The following IZUMO3 variants were observed in gnomAD, a reference collection of about 807,000 sequenced individuals.
IZUMO3 encodes the protein IZUMO family member 3.
In IZUMO3, 36 loss-of-function variants were observed where a neutral mutation model predicts 28.4. That is an observed-to-expected ratio of 1.27 (90% CI 0.97 to 1.67). The LOEUF (loss-of-function observed/expected upper bound fraction) is 1.67, where lower values mean the gene tolerates loss of function less well. Among genes scored for constraint, IZUMO3 ranks in the 40% most tolerant of loss-of-function variants. The pLI, the probability that IZUMO3 is intolerant of heterozygous loss-of-function variation, is 0.00. For missense variants in IZUMO3, 387 were observed against 278.5 expected (o/e 1.39, Z -2.77); for synonymous variants, 126 against 99.2 (o/e 1.27, Z -1.61).
At position 24,544,600 on chromosome 9, in the gene IZUMO3, G is replaced by T. The variant is rs1033902934; in HGVS notation, c.409+143C>A. 4.1e-6 allele frequency: 3 copies of T among 723,242 alleles called. No homozygotes were observed. The African/African-American group carries it at 5.4e-5, about 13-fold the overall frequency. The allele number at this position is 723,242 out of a possible 1,614,324, so 44.8% of individuals were successfully genotyped here. A position where few individuals can be genotyped will look rare whatever the true frequency, so the allele number is the denominator to read the frequency against. On this transcript the variant is annotated intron_variant, in intron 4 of 6. Transcript: ENST00000543880. ...TTCATGAGCTAGGTTTCGTTATCAGGTATTGTTGACGTTACCCCTTGTAAC... is the reference window on the plus strand; with the variant it reads ...TTCATGAGCTAGGTTTCGTTATCAGTTATTGTTGACGTTACCCCTTGTAAC...
Position 24,545,865 on chromosome 9 carries a change from A to T in IZUMO3, c.-216T>A. 6.6e-7 allele frequency: 1 copy of T among 1,519,548 alleles called. No homozygotes were observed. The highest frequency in any genetic ancestry group is 8.9e-7 in the Non-Finnish European group (1 of 1,128,300). 94.1% of individuals were successfully genotyped at this position (1,519,548 alleles called of 1,614,324 possible). A position where few individuals can be genotyped will look rare whatever the true frequency, so the allele number is the denominator to read the frequency against. On this transcript the variant is annotated 5_prime_UTR_variant, in exon 1 of 7. Coordinates refer to ENST00000543880, the MANE Select transcript of IZUMO3 (RefSeq NM_001365008.2). ...TATTATCCTTCATTCTAGGAGAGGG[A>T]ACTGCCAGCTGGGGAGCGGATACCT...
rs536534838 is a variant in IZUMO3 at position 24,544,247 on chromosome 9, C to A, written c.444G>T (p.Thr148=). ...AGCACCTGTTAGTCATGCGAAGACA[C>A]GTCCAACAATCAAGAATGGGACCTT... ...VVEGPILDCW[T]CLRMTNRCFK... Residue 148 remains threonine (T), a synonymous_variant, in exon 5 of 7, where the codon ACG becomes ACT. Transcript: ENST00000543880. 193 of 1,550,118 alleles carry A rather than the reference C, an allele frequency of 1.2e-4. No individual in the cohort carries two copies. In the African/African-American group the frequency reaches 2.4e-3, roughly 19 times the overall value.
At position 24,543,085 on chromosome 9, in the gene IZUMO3, C is replaced by T; in HGVS notation, c.*144G>A. 1.5e-6 allele frequency: 1 copy of T among 647,658 alleles called. No individual in the cohort carries two copies. Among genetic ancestry groups the T allele is most frequent in the Non-Finnish European group, 2.4e-6 (1 of 420,120 alleles). The allele number at this position is 647,658 out of a possible 1,614,324, so 40.1% of individuals were successfully genotyped here. A position where few individuals can be genotyped will look rare whatever the true frequency, so the allele number is the denominator to read the frequency against. On this transcript the variant is annotated 3_prime_UTR_variant, in exon 7 of 7. Transcript: ENST00000543880. ...TCCGTTGTCTCAGGATATCAATAAG[C>T]ATTTTCATTAGAGAAACTCTAAGTT... is the stretch of plus-strand genomic sequence containing the variant.
At chr9:24,544,949 G>A (rs1200239826) in intron 3 of IZUMO3, 23 bp downstream of exon 3, 9 of 1,486,804 alleles carry the variant, frequency 6.1e-6, no homozygotes, top group South Asian at 1.2e-5. Context: ...CTTCAGTGCT[G>A]TTATATAGAA....
chr9:24,545,774 T>C lies in IZUMO3; in HGVS notation c.-125A>G. ...GATAGTCTGACTCCACTTTTCCCGC[T>C]GTTTCCATCCCACTATCGGGCAATC... On this transcript the variant is annotated 5_prime_UTR_variant, in exon 1 of 7. Coordinates refer to ENST00000543880, the MANE Select transcript of IZUMO3 (RefSeq NM_001365008.2). 2 of 1,535,536 alleles carry C rather than the reference T, an allele frequency of 1.3e-6. No individual in the cohort carries two copies. Among genetic ancestry groups the C allele is most frequent in the Non-Finnish European group, 1.8e-6 (2 of 1,140,980 alleles).
intron 3 of IZUMO3, 24 bp from the exon 4 acceptor site, chr9:24,544,784 A>T: frequency 3.2e-6 from 5 of 1,549,064 alleles, no homozygotes; most frequent in Non-Finnish European, 4.4e-6. Context: ...AGAAAGTTCT[A>T]ATGAGTTTAA....
Position 24,543,178 on chromosome 9 carries a change from G to A in IZUMO3, c.*51C>T. ...GGTTTACCTCCCAGTTTTGTACTTA[G>A]AGTCAACACTTAAGAGAATCATGAA... On this transcript the variant is annotated 3_prime_UTR_variant, in exon 7 of 7. Coordinates refer to ENST00000543880, the MANE Select transcript of IZUMO3 (RefSeq NM_001365008.2). The A allele has an allele frequency of 7.0e-7, 1 of 1,436,538 alleles. No homozygotes were observed. The highest frequency in any genetic ancestry group is 9.3e-7 in the Non-Finnish European group (1 of 1,077,120). 89.0% of individuals were successfully genotyped at this position (1,436,538 alleles called of 1,614,324 possible). A position where few individuals can be genotyped will look rare whatever the true frequency, so the allele number is the denominator to read the frequency against.
rs1375211550 is a variant in IZUMO3, at chr9:24,543,081, T to C, written c.*148A>G. On this transcript the variant is annotated 3_prime_UTR_variant, in exon 7 of 7. Transcript: ENST00000543880. ...TACTTCCGTTGTCTCAGGATATCAA[T>C]AAGCATTTTCATTAGAGAAACTCTA... 2 of 631,566 alleles carry C rather than the reference T, an allele frequency of 3.2e-6. No individual in the cohort carries two copies. The highest frequency in any genetic ancestry group is 6.2e-5 in the East Asian group (2 of 32,236). 39.1% of individuals were successfully genotyped at this position (631,566 alleles called of 1,614,324 possible). A position where few individuals can be genotyped will look rare whatever the true frequency, so the allele number is the denominator to read the frequency against.
chr9:24,544,757 C>T lies in IZUMO3; in HGVS notation c.395G>A (p.Cys132Tyr), dbSNP rs2117953790. 6.5e-7 allele frequency: 1 copy of T among 1,550,202 alleles called. No individual in the cohort carries two copies. Among genetic ancestry groups the T allele is most frequent in the African/African-American group, 1.4e-5 (1 of 73,136 alleles). Residue 132 changes from cysteine (C) to tyrosine (Y), a missense_variant, in exon 4 of 7, where the codon TGT becomes TAT. Physicochemically the swap from Cys to Tyr is radical, Grantham distance 194. Coordinates refer to ENST00000543880, the MANE Select transcript of IZUMO3 (RefSeq NM_001365008.2). The stretch of plus-strand genomic sequence containing the variant: ...ACTGTACTCACTGCAATCTTCAGAA[C>T]AAGCTAGAAGAGAATCAGAAAGTTC... Reference protein sequence around the residue: ...ELLKNFSEIACSEDCIVVEGP... With the variant: ...ELLKNFSEIAYSEDCIVVEGP...
chr9:24,543,515 G>A (rs189720903), intron 6 of IZUMO3, 148 bp from the exon 7 acceptor site: 107 of 532,238 alleles, frequency 2.0e-4, no homozygotes, highest in African/African-American at 1.9e-3. Flanking sequence ...CTATTATCCC[G>A]TCAAACTTTG....
At chr9:24,544,457 G>C (rs1009960912) in intron 4 of IZUMO3, among the ~76,000 whole-genome samples, 176 bp from the exon 5 acceptor site, 6 of 152,114 alleles carry the variant, frequency 3.9e-5, no homozygotes, top group African/African-American at 1.4e-4. Flanking sequence ...AAATCTGTAA[G>C]TCTGATCTCC....
rs1300195632 is a variant in IZUMO3 at position 24,543,217 on chromosome 9, A to G, written c.*12T>C. The G allele has an allele frequency of 1.2e-5, 18 of 1,536,828 alleles. No homozygotes were observed. The South Asian group carries it at 2.0e-4, about 17-fold the overall frequency. On this transcript the variant is annotated 3_prime_UTR_variant, in exon 7 of 7. Coordinates refer to ENST00000543880, the MANE Select transcript of IZUMO3 (RefSeq NM_001365008.2). ...GAGAATCATGAAAGACTTCTTGTCC[A>G]TGTTGATGTGTTTATTTTCTGAGTC...
In IZUMO3 at chr9:24,543,266, T is replaced by C. The variant is rs1338540076; in HGVS notation, c.683A>G (p.Asp228Gly). ...KKLEELMGKI[D>G]EKEEKDFRLR... is the part of the protein sequence containing the mutation. ...TCTAAAGTCTTTCTCCTCCTTCTCA[T>C]CTATCTTCCCCATTAATTCTTCAAG... The change falls in exon 7 of 7, where the codon GAT (aspartate) becomes GGT (glycine). Residue 228 changes from aspartate to glycine, a missense_variant. Coordinates refer to ENST00000543880, the MANE Select transcript of IZUMO3 (RefSeq NM_001365008.2). The C allele has an allele frequency of 1.2e-5, 19 of 1,548,034 alleles. No individual in the cohort carries two copies. The highest frequency in any genetic ancestry group is 5.9e-5 in the Admixed American group (3 of 50,804).
rs1819552625 is a variant in IZUMO3, at chr9:24,544,961, G to A, written c.391+11C>T. The A allele has an allele frequency of 6.5e-7, 1 of 1,535,158 alleles. No individual in the cohort carries two copies. The highest frequency in any genetic ancestry group is 8.8e-7 in the Non-Finnish European group (1 of 1,133,048). ...TAACTTCAGTGCTGTTATATAGAAA[G>A]TTTTACTTACCAATTTCAGAGAAGT... On this transcript the variant is annotated intron_variant, in intron 3 of 6. Transcript: ENST00000543880.
At chr9:24,543,826 A>G (rs1256601475) in intron 5 of IZUMO3, 72 bp from the exon 6 acceptor site, 28 of 1,021,034 alleles carry the variant, frequency 2.7e-5, no homozygotes, top group Non-Finnish European at 4.2e-5. Flanking sequence ...TTTATTCAGA[A>G]TAGAAAACTC....
Position 24,543,634 on chromosome 9 carries a change from C to G in IZUMO3, c.581+30G>C, listed in dbSNP as rs960661439. On this transcript the variant is annotated intron_variant, in intron 6 of 6. Coordinates refer to ENST00000543880, the MANE Select transcript of IZUMO3 (RefSeq NM_001365008.2). ...TCTCTTGGCAAAAGGAATATTTGAC[C>G]CAGTGTTTATTTGGAGAGAAGAAAC... 6.3e-6 allele frequency: 9 copies of G among 1,428,258 alleles called. No individual in the cohort carries two copies. The East Asian group carries it at 9.9e-5, about 16-fold the overall frequency. 88.5% of individuals were successfully genotyped at this position (1,428,258 alleles called of 1,614,324 possible).
At chr9:24,543,447 T>TTTG (rs1819502860) in intron 6 of IZUMO3, 80 bp from the exon 7 acceptor site, 3 of 769,042 alleles carry the variant, frequency 3.9e-6, no homozygotes, top group Non-Finnish European at 5.3e-6. Context: ...TGTTTTTTTT[T>TTTG]TTTTTTTTTT....
At chr9:24,544,824 C>G in intron 3 of IZUMO3, 64 bp from the exon 4 acceptor site, 1 of 1,480,280 alleles carries the variant, frequency 6.8e-7, no homozygotes, top group South Asian at 1.2e-5. Flanking sequence ...TATTTATACC[C>G]AAGTAGTCTT....
In IZUMO3 at chr9:24,545,314, A is replaced by G. The variant is rs1313108818; in HGVS notation, c.227-28T>C. 4.5e-6 allele frequency: 7 copies of G among 1,547,974 alleles called. No homozygotes were observed. The South Asian group carries it at 8.3e-5, about 18-fold the overall frequency. ...AGAGAGGGAGAGTAAAGGTACATGT[A>G]GGGGAATAATTACATCTATGCAGGA... On this transcript the variant is annotated intron_variant, in intron 1 of 6. Coordinates refer to ENST00000543880, the MANE Select transcript of IZUMO3 (RefSeq NM_001365008.2).
Sources: gnomAD v4.1 joint callset for allele counts (sites outside exome capture counted in the v4.1 genomes callset) on GRCh38, gnomAD v4.1.1 for gene constraint, MANE v1.5 for transcripts, NCBI Gene and HGNC (gene_info 2026-07-23, HGNC 2026-07-21) for gene names.